The following ARK2C variants were observed in gnomAD, a reference collection of about 807,000 sequenced individuals.
The protein encoded by ARK2C is arkadia (RNF111) C-terminal like ring finger ubiquitin ligase 2C.
the ARK2C span, among the ~76,000 whole-genome samples, chr18:46,429,088 C>T: frequency 6.6e-6 from 1 of 152,168 alleles, no homozygotes; most frequent in African/African-American, 2.4e-5. Context: ...GTGCCGCTTG[C>T]TCATGCTGCA....
At chr18:46,415,432 A>C in the ARK2C span, among the ~76,000 whole-genome samples, 35 of 152,234 alleles carry the variant, frequency 2.3e-4, no homozygotes, top group East Asian at 5.6e-3. Context: ...AGGCTGAGGC[A>C]GAAGAATGGC....
At chr18:46,340,664 T>A in the ARK2C span, among the ~76,000 whole-genome samples, 1 of 152,306 alleles carries the variant, frequency 6.6e-6, no homozygotes, top group East Asian at 1.9e-4. Context: ...GGAAGGGTGA[T>A]CTTAGGCCAC....
At chr18:46,411,949 C>T in the ARK2C span, among the ~76,000 whole-genome samples, 2 of 152,170 alleles carry the variant, frequency 1.3e-5, no homozygotes, top group African/African-American at 2.4e-5. Flanking sequence ...GGAGTGGGGT[C>T]GATGATGCCA....
chr18:46,435,946 G>A, the ARK2C span, among the ~76,000 whole-genome samples: 4 of 152,204 alleles, frequency 2.6e-5, no homozygotes, highest in African/African-American at 9.7e-5. Context: ...GAGAGAGGTT[G>A]AGGGTGGTGT....
the ARK2C span, among the ~76,000 whole-genome samples, chr18:46,429,333 C>T: frequency 6.6e-5 from 10 of 152,322 alleles, no homozygotes; most frequent in Non-Finnish European, 1.3e-4. Flanking sequence ...CAAGCAGCTT[C>T]GGTCTGCCCT....
chr18:46,435,440 G>A, the ARK2C span: 236 of 1,424,048 alleles, frequency 1.7e-4, 1 homozygote, highest in Non-Finnish European at 2.3e-4. Flanking sequence ...GGAAGGGAGG[G>A]AGGAGGGAGG....
the ARK2C span, among the ~76,000 whole-genome samples, chr18:46,353,672 G>T: frequency 6.6e-6 from 1 of 152,208 alleles, no homozygotes; most frequent in Non-Finnish European, 1.5e-5. Context: ...GCATGCTGCT[G>T]GTAGGCAGGG....
chr18:46,339,303 T>G, the ARK2C span, among the ~76,000 whole-genome samples: 1 of 152,302 alleles, frequency 6.6e-6, no homozygotes, highest in Non-Finnish European at 1.5e-5. Context: ...CTTAACCAAT[T>G]CCAGGATTTC....
the ARK2C span, among the ~76,000 whole-genome samples, chr18:46,444,743 G>A: frequency 6.6e-6 from 1 of 152,048 alleles, no homozygotes; most frequent in South Asian, 2.1e-4. Context: ...AAAATGCTGG[G>A]ATTAGAGGCA....
chr18:46,402,833 C>T, the ARK2C span, among the ~76,000 whole-genome samples: 1 of 152,196 alleles, frequency 6.6e-6, no homozygotes, highest in Admixed American at 6.5e-5. Flanking sequence ...CTCTGGAATC[C>T]TGAAGTCACC....
At chr18:46,352,126 C>G in the ARK2C span, among the ~76,000 whole-genome samples, 16 of 152,288 alleles carry the variant, frequency 1.1e-4, no homozygotes, top group African/African-American at 3.9e-4. Context: ...CCCTGGACAG[C>G]CTTTGCAGGG....
At chr18:46,414,788 G>T in the ARK2C span, among the ~76,000 whole-genome samples, 2 of 152,194 alleles carry the variant, frequency 1.3e-5, no homozygotes, top group Non-Finnish European at 2.9e-5. Context: ...AGGGCAGGTT[G>T]CAGAGGCCTC....
chr18:46,446,701 GA>G, the ARK2C span, among the ~76,000 whole-genome samples: 675 of 116,560 alleles, frequency 5.8e-3, 5 homozygotes, highest in African/African-American at 0.018. Context: ...AAAAGGAAAA[GA>G]AAAAAAAAAA....
At chr18:46,410,766 A>G in the ARK2C span, among the ~76,000 whole-genome samples, 1 of 152,194 alleles carries the variant, frequency 6.6e-6, no homozygotes, top group Non-Finnish European at 1.5e-5. Flanking sequence ...TCTTGTTCTC[A>G]TTGGTTTGGC....
chr18:46,427,710 T>C, the ARK2C span, among the ~76,000 whole-genome samples: 12 of 152,332 alleles, frequency 7.9e-5, no homozygotes, highest in South Asian at 2.5e-3. Context: ...AGGTATTTAC[T>C]GGGTGCCAGC....
At chr18:46,404,701 C>T in the ARK2C span, among the ~76,000 whole-genome samples, 7 of 151,944 alleles carry the variant, frequency 4.6e-5, no homozygotes, top group South Asian at 2.1e-4. Flanking sequence ...TGTAGTGAGC[C>T]GAGACCGCGC....
the ARK2C span, among the ~76,000 whole-genome samples, chr18:46,422,101 A>T: frequency 6.6e-6 from 1 of 152,198 alleles, no homozygotes; most frequent in Non-Finnish European, 1.5e-5. Context: ...CCTGGAGTAC[A>T]TAAGGAACCC....
chr18:46,348,230 G>A, the ARK2C span, among the ~76,000 whole-genome samples: 2 of 145,604 alleles, frequency 1.4e-5, no homozygotes, highest in Non-Finnish European at 3.0e-5. Context: ...CCAAGGGGCT[G>A]GGGGGGGTGA....
chr18:46,356,708 C>T, the ARK2C span, among the ~76,000 whole-genome samples: 1 of 152,160 alleles, frequency 6.6e-6, no homozygotes, highest in African/African-American at 2.4e-5. Flanking sequence ...GGCTTAGCAC[C>T]CTCTCCCAGG....
Sources: gnomAD v4.1 joint callset for allele counts (sites outside exome capture counted in the v4.1 genomes callset) on GRCh38, gnomAD v4.1.1 for gene constraint, MANE v1.5 for transcripts, NCBI Gene and HGNC (gene_info 2026-07-23, HGNC 2026-07-21) for gene names.